The following FBXL20 variants were observed in gnomAD, a reference collection of about 807,000 sequenced individuals.
FBXL20 encodes the protein F-box and leucine rich repeat protein 20, also known as F-box/LRR-repeat protein 20.
FBXL20 carries 11 observed loss-of-function variants against 64.0 expected under a neutral mutation model. The observed-to-expected ratio is 0.17, with a 90% CI of 0.11 to 0.28. The LOEUF (loss-of-function observed/expected upper bound fraction) is 0.28, where lower values mean the gene tolerates loss of function less well. Ranked by LOEUF, FBXL20 falls within the 10% of genes least tolerant of loss-of-function variation. The pLI is 1.00. For synonymous variants in FBXL20, 184 were observed against 189.0 expected, an observed-to-expected ratio of 0.97 and a Z score of 0.22; for missense variants, 303 against 526.2, an observed-to-expected ratio of 0.58 and a Z score of 4.15.
intron 11 of FBXL20, among the ~76,000 whole-genome samples, chr17:39,269,186 TTTC>T (rs771804429): frequency 9.2e-5 from 14 of 151,766 alleles, no homozygotes; most frequent in Non-Finnish European, 2.1e-4. Context: ...AATTTTTGTA[TTTC>T]TTTTCTTTTT....
chr17:39,384,018 G>C (rs1490015274), intron 1 of FBXL20, among the ~76,000 whole-genome samples: 1 of 152,034 alleles, frequency 6.6e-6, no homozygotes, highest in Non-Finnish European at 1.5e-5. Flanking sequence ...AGGACTGCTT[G>C]AGCTCAGGAG....
intron 1 of FBXL20, among the ~76,000 whole-genome samples, chr17:39,368,947 G>A (rs747767509): frequency 8.6e-5 from 13 of 151,970 alleles, no homozygotes; most frequent in East Asian, 1.9e-4. Flanking sequence ...GAGCCACCCC[G>A]CCCGAACCCA....
intron 1 of FBXL20, among the ~76,000 whole-genome samples, chr17:39,356,214 CAAAAAAAAAAAA>C (rs56838813): frequency 1.3e-5 from 1 of 75,868 alleles, no homozygotes; most frequent in Admixed American, 1.4e-4. Context: ...GACTCCATCT[CAAAAAAAAAAAA>C]AAAAAAAAAA....
chr17:39,327,732 G>A (rs944393441), intron 2 of FBXL20, among the ~76,000 whole-genome samples: 80 of 151,848 alleles, frequency 5.3e-4, no homozygotes, highest in Non-Finnish European at 1.1e-3. Context: ...ACGGAATCTC[G>A]CTCTGTCGCC....
At chr17:39,368,657 T>C (rs2047885200) in intron 1 of FBXL20, among the ~76,000 whole-genome samples, 1 of 152,050 alleles carries the variant, frequency 6.6e-6, no homozygotes, top group Non-Finnish European at 1.5e-5. Context: ...ACTTTTTTGT[T>C]TGTTTTTTGT....
chr17:39,397,670 GTCAGGTGTGGTAA>G (rs1213249203), intron 1 of FBXL20, among the ~76,000 whole-genome samples: 4 of 152,122 alleles, frequency 2.6e-5, no homozygotes, highest in African/African-American at 9.7e-5. Flanking sequence ...AATGAAGGCA[GTCAGGTGTGGTAA>G]TCACACCTGT....
At chr17:39,334,678 T>C (rs1050374963) in intron 2 of FBXL20, among the ~76,000 whole-genome samples, 4 of 152,190 alleles carry the variant, frequency 2.6e-5, no homozygotes, top group Admixed American at 2.6e-4. Context: ...CATATTCTTA[T>C]AGGTAATAAC....
chr17:39,283,574 C>A (rs2046965753), intron 7 of FBXL20, among the ~76,000 whole-genome samples: 1 of 152,074 alleles, frequency 6.6e-6, no homozygotes, highest in Non-Finnish European at 1.5e-5. Flanking sequence ...TAGCACCCAG[C>A]TGCATTTTGG....
chr17:39,300,204 A>G (rs1470250982), intron 4 of FBXL20, among the ~76,000 whole-genome samples: 1 of 152,192 alleles, frequency 6.6e-6, no homozygotes, highest in Non-Finnish European at 1.5e-5. Context: ...ATCCCATATA[A>G]TGCCAGTGGA....
At chr17:39,295,807 T>TATATATATATATATATATA (rs1567867921) in intron 6 of FBXL20, among the ~76,000 whole-genome samples, 2 of 126,618 alleles carry the variant, frequency 1.6e-5, no homozygotes, top group African/African-American at 3.1e-5. Context: ...ATATATATAT[T>TATATATATATATATATATA]AAGTCTTCTG....
chr17:39,265,497 A>C (rs1345491981), intron 12 of FBXL20, 44 bp from the exon 13 acceptor site: 2 of 1,432,362 alleles, frequency 1.4e-6, no homozygotes, highest in Middle Eastern at 2.0e-4. Context: ...AATCCAAATA[A>C]AATCCTGAGT....
chr17:39,360,811 G>A (rs1183907696), intron 1 of FBXL20, among the ~76,000 whole-genome samples: 1 of 152,120 alleles, frequency 6.6e-6, no homozygotes, highest in African/African-American at 2.4e-5. Flanking sequence ...TACCACCCCA[G>A]GAACTCCTTG....
At chr17:39,382,732 C>T (rs1163606058) in intron 1 of FBXL20, among the ~76,000 whole-genome samples, 2 of 151,302 alleles carry the variant, frequency 1.3e-5, no homozygotes, top group African/African-American at 2.4e-5. Flanking sequence ...CGCAGCTACT[C>T]GGGAGGCTAA....
At chr17:39,370,354 G>A (rs1012610536) in intron 1 of FBXL20, among the ~76,000 whole-genome samples, 1 of 151,180 alleles carries the variant, frequency 6.6e-6, no homozygotes. Flanking sequence ...AGCCAGATAC[G>A]GTGGCAGGCA....
At chr17:39,286,315 G>C (rs1484758494) in intron 6 of FBXL20, among the ~76,000 whole-genome samples, 4 of 152,116 alleles carry the variant, frequency 2.6e-5, no homozygotes, top group African/African-American at 9.7e-5. Context: ...CCGGGTTCAA[G>C]CAATTCTCAT....
intron 1 of FBXL20, among the ~76,000 whole-genome samples, chr17:39,363,818 A>AAAAAAC (rs1185501768): frequency 2.4e-4 from 34 of 139,904 alleles, no homozygotes; most frequent in African/African-American, 5.2e-4. Flanking sequence ...CTCAAAAAAA[A>AAAAAAC]AAAAAAAACA....
chr17:39,275,805 T>TG (rs1224393585), intron 9 of FBXL20, among the ~76,000 whole-genome samples: 6 of 152,166 alleles, frequency 3.9e-5, no homozygotes, highest in African/African-American at 1.4e-4. Flanking sequence ...GATAAGTTAG[T>TG]GAAAAAAATT....
intron 5 of FBXL20, among the ~76,000 whole-genome samples, chr17:39,298,254 G>A (rs938882551): frequency 2.6e-5 from 4 of 151,976 alleles, no homozygotes; most frequent in African/African-American, 9.7e-5. Context: ...AAGTAGCTGG[G>A]TTTACAGGCA....
chr17:39,328,680 A>G (rs1484837246), intron 2 of FBXL20, among the ~76,000 whole-genome samples: 1 of 152,244 alleles, frequency 6.6e-6, no homozygotes, highest in Non-Finnish European at 1.5e-5. Flanking sequence ...AATCACAATC[A>G]TATTGCAACT....
Sources: gnomAD v4.1 joint callset for allele counts (sites outside exome capture counted in the v4.1 genomes callset) on GRCh38, gnomAD v4.1.1 for gene constraint, MANE v1.5 for transcripts, NCBI Gene and HGNC (gene_info 2026-07-23, HGNC 2026-07-21) for gene names.